Variants in SCML4 observed in about 807,000 individuals in gnomAD.
SCML4 encodes sex comb on midleg-like protein 4.
A neutral mutation model predicts 41.1 loss-of-function variants in SCML4; 34 were observed. The ratio of observed to expected loss-of-function variants is 0.83; its 90% CI spans 0.63 to 1.10. SCML4 has a LOEUF of 1.10. Among genes scored for constraint, SCML4 ranks in the 50% least tolerant of loss-of-function variants. The pLI is 0.00. For synonymous variants in SCML4, 214 were observed against 220.9 expected (o/e 0.97, Z 0.28); for missense variants, 522 against 534.1 (o/e 0.98, Z 0.22).
intron 1 of SCML4, among the ~76,000 whole-genome samples, chr6:107,823,409 G>A (rs117545966): frequency 0.037 from 5,703 of 152,276 alleles, 174 homozygotes; most frequent in South Asian, 0.057. Context: ...AGGAGCACGT[G>A]GAAGCTGGTT....
intron 2 of SCML4, among the ~76,000 whole-genome samples, chr6:107,750,414 T>TA (rs1778515653): frequency 6.6e-6 from 1 of 152,226 alleles, no homozygotes; most frequent in South Asian, 2.1e-4. Context: ...AAGGAGGAGT[T>TA]AAAATTTGCT....
chr6:107,817,620 CAAAAAAAAAAAAAAAGA>C lies in SCML4; in HGVS notation c.-60+6489_-60+6505del, dbSNP rs1218401362. Among the ~76,000 whole-genome samples the C allele has an allele frequency of 8.7e-5, 4 of 46,002 alleles. 1 individual carries two copies. Among genetic ancestry groups the C allele is most frequent in the Admixed American group, 3.1e-4 (1 of 3,208 alleles). 30.2% of individuals were successfully genotyped at this position (46,002 alleles called of 152,430 possible). On this transcript the variant is annotated intron_variant, in intron 1 of 7. Coordinates refer to ENST00000369020, the MANE Select transcript of SCML4 (RefSeq NM_198081.5). ...TGGGCAACAGAGGAAGACTTCATCT[CAAAAAAAAAAAAAAAGA>C]AAAAAAAAAATCACTGAATGTACTT...
chr6:107,820,491 T>G (rs527337514), intron 1 of SCML4, among the ~76,000 whole-genome samples: 1 of 152,292 alleles, frequency 6.6e-6, no homozygotes, highest in South Asian at 2.1e-4. Flanking sequence ...CATTAATATA[T>G]GCAGATCAGA....
chr6:107,745,296 T>A, intron 4 of SCML4, 153 bp from the exon 5 acceptor site: 1 of 613,000 alleles, frequency 1.6e-6, no homozygotes, highest in Non-Finnish European at 2.9e-6. Context: ...ATGTCCTGTT[T>A]CTGGTGGGGA....
intron 6 of SCML4, among the ~76,000 whole-genome samples, chr6:107,711,886 T>C (rs914163060): frequency 3.9e-5 from 6 of 152,190 alleles, no homozygotes; most frequent in Non-Finnish European, 8.8e-5. Context: ...TGCATGCTGC[T>C]CCATTAGCAC....
At chr6:107,843,781 G>A in the SCML4 span, among the ~76,000 whole-genome samples, 1 of 152,312 alleles carries the variant, frequency 6.6e-6, no homozygotes, top group East Asian at 1.9e-4. Context: ...AAACCAGTTA[G>A]AGGGTGTAGG....
Position 107,746,785 on chromosome 6 carries a change from G to A in SCML4, c.391C>T (p.Leu131=). 1 of 1,613,708 alleles carries A rather than the reference G, an allele frequency of 6.2e-7. No homozygotes were observed. The highest frequency in any genetic ancestry group is 8.5e-7 in the Non-Finnish European group (1 of 1,179,892). ...HFGPERPSAV[L]QQAVQACIDC... is the part of the protein sequence containing the mutation. ...ATGCAGGCTTGGACGGCCTGCTGCAGCACCGCCGATGGCCGCTCGGGCCCA... is the reference window on the plus strand; with the variant it reads ...ATGCAGGCTTGGACGGCCTGCTGCAACACCGCCGATGGCCGCTCGGGCCCA... Residue 131 remains leucine, a synonymous_variant, in exon 4 of 8, where the codon CTG becomes TTG. Transcript: ENST00000369020.
chr6:107,807,061 CTTTT>C (rs201486996), intron 1 of SCML4, among the ~76,000 whole-genome samples: 86 of 133,456 alleles, frequency 6.4e-4, no homozygotes, highest in Non-Finnish European at 7.3e-4. Flanking sequence ...TGTTCCTAAG[CTTTT>C]TTTTTTTTTT....
chr6:107,785,235 A>G (rs998992283), intron 1 of SCML4, among the ~76,000 whole-genome samples: 7 of 152,204 alleles, frequency 4.6e-5, no homozygotes, highest in African/African-American at 1.7e-4. Context: ...AAACGCTTTA[A>G]GGGCTCAGTT....
At chr6:107,726,884 C>T (rs1776038620) in intron 5 of SCML4, among the ~76,000 whole-genome samples, 1 of 152,162 alleles carries the variant, frequency 6.6e-6, no homozygotes, top group Non-Finnish European at 1.5e-5. Context: ...CCATAAGAAC[C>T]AGCAATTATA....
intron 1 of SCML4, among the ~76,000 whole-genome samples, chr6:107,791,639 G>A (rs1782339638): frequency 6.6e-6 from 1 of 152,156 alleles, no homozygotes; most frequent in Non-Finnish European, 1.5e-5. Context: ...CTCCCTAAGA[G>A]CAAATTACTG....
intron 2 of SCML4, among the ~76,000 whole-genome samples, chr6:107,756,915 C>T (rs1418747862): frequency 6.6e-6 from 1 of 152,184 alleles, no homozygotes; most frequent in Non-Finnish European, 1.5e-5. Context: ...CATACAGGAG[C>T]TAATCCTGGG....
rs914403112 is a variant in SCML4 at position 107,703,516 on chromosome 6, T to C, written c.*1684A>G. The stretch of plus-strand genomic sequence containing the variant: ...GCACATGAAAGTGGGCCTAACGGCA[T>C]GGCATGGACTATTTCTTATGGCCTT... On this transcript the variant is annotated 3_prime_UTR_variant, in exon 8 of 8. Transcript: ENST00000369020. 6.6e-6 allele frequency among the ~76,000 whole-genome samples: 1 copy of C among 152,232 alleles called. No homozygotes were observed. The highest frequency in any genetic ancestry group is 1.5e-5 in the Non-Finnish European group (1 of 68,038).
intron 2 of SCML4, among the ~76,000 whole-genome samples, chr6:107,752,376 A>G (rs1028956867): frequency 1.3e-5 from 2 of 152,122 alleles, no homozygotes; most frequent in African/African-American, 4.8e-5. Flanking sequence ...AGCCTATATG[A>G]AGATGTACAT....
chr6:107,834,463 C>G, the SCML4 span, among the ~76,000 whole-genome samples: 3 of 152,266 alleles, frequency 2.0e-5, no homozygotes, highest in South Asian at 6.2e-4. Context: ...GATGAGACCT[C>G]GGAAAACTCT....
intron 2 of SCML4, among the ~76,000 whole-genome samples, chr6:107,759,041 C>T (rs1006119967): frequency 6.9e-6 from 1 of 145,508 alleles, no homozygotes. Context: ...TATCCCAGCA[C>T]TTTAGGAGAC....
chr6:107,723,303 GA>G (rs144471377), intron 5 of SCML4, among the ~76,000 whole-genome samples: 2,448 of 152,254 alleles, frequency 0.016, 41 homozygotes, highest in East Asian at 0.038. Context: ...AACATGCTCA[GA>G]ACACTTACAT....
the SCML4 span, among the ~76,000 whole-genome samples, chr6:107,831,745 C>T: frequency 2.6e-5 from 4 of 152,124 alleles, no homozygotes; most frequent in Admixed American, 2.6e-4. Flanking sequence ...GTGGCAAAAC[C>T]CATCTCTACT....
intron 1 of SCML4, among the ~76,000 whole-genome samples, chr6:107,802,122 T>A (rs973268381): frequency 5.9e-5 from 9 of 152,174 alleles, no homozygotes; most frequent in Non-Finnish European, 1.5e-5. Flanking sequence ...TACGTGCCAG[T>A]GTTCTGAGCA....
Sources: allele counts gnomAD v4.1 joint callset (sites outside exome capture counted in the v4.1 genomes callset), GRCh38; gene constraint gnomAD v4.1.1; transcripts MANE v1.5; gene names NCBI Gene and HGNC (gene_info 2026-07-23, HGNC 2026-07-21).